PTPRD: variants seen among roughly 807,000 people sequenced by gnomAD.
PTPRD encodes protein tyrosine phosphatase receptor type D.
In PTPRD, 34 loss-of-function variants were observed where a neutral mutation model predicts 214.5. The ratio of observed to expected loss-of-function variants is 0.16; its 90% confidence interval spans 0.12 to 0.21. PTPRD has a LOEUF of 0.21. PTPRD is among the 10% of genes least tolerant of loss of function. The pLI is 1.00. For missense variants in PTPRD, 2,545 were observed against 2,398.7 expected (o/e 1.06, Z -1.27); for synonymous variants, 1,128 against 845.7 (o/e 1.33, Z -5.79).
intron 7 of PTPRD, among the ~76,000 whole-genome samples, chr9:9,576,198 T>C (rs1296692543): frequency 6.6e-6 from 1 of 152,224 alleles, no homozygotes; most frequent in African/African-American, 2.4e-5. Context: ...AAATAGTTTA[T>C]ATAACTTCAT....
At chr9:9,286,770 C>G (rs756639293) in intron 9 of PTPRD, among the ~76,000 whole-genome samples, 42 of 149,236 alleles carry the variant, frequency 2.8e-4, no homozygotes, top group Non-Finnish European at 5.6e-4. Context: ...GCCAGTGTCT[C>G]ATTTTTCTTT....
intron 2 of PTPRD, among the ~76,000 whole-genome samples, chr9:10,604,988 T>A (rs888979437): frequency 1.7e-4 from 26 of 151,832 alleles, no homozygotes; most frequent in African/African-American, 6.3e-4. Context: ...AGGAAACTCT[T>A]CAAACTTAAG....
At chr9:8,445,135 T>G (rs1006872489) in intron 34 of PTPRD, among the ~76,000 whole-genome samples, 6 of 152,320 alleles carry the variant, frequency 3.9e-5, no homozygotes, top group African/African-American at 1.4e-4. Flanking sequence ...AGTCAAATCT[T>G]AGCTAAATGA....
intron 11 of PTPRD, among the ~76,000 whole-genome samples, chr9:8,773,970 T>C (rs1460644152): frequency 1.3e-5 from 2 of 152,186 alleles, no homozygotes; most frequent in Admixed American, 1.3e-4. Flanking sequence ...CCCTCTCTCC[T>C]GACTCCAACC....
chr9:8,863,241 G>A (rs78370444), intron 11 of PTPRD, among the ~76,000 whole-genome samples: 4,889 of 152,056 alleles, frequency 0.032, 189 homozygotes, highest in East Asian at 0.09. Flanking sequence ...TACAGCATGC[G>A]ACTGTGACAA....
At chr9:8,873,000 T>C (rs1328060722) in intron 11 of PTPRD, among the ~76,000 whole-genome samples, 1 of 152,250 alleles carries the variant, frequency 6.6e-6, no homozygotes, top group Non-Finnish European at 1.5e-5. Flanking sequence ...AATTATTTTA[T>C]GGAAACCACT....
At chr9:9,793,277 CT>C (rs1406054188) in intron 5 of PTPRD, among the ~76,000 whole-genome samples, 1 of 152,082 alleles carries the variant, frequency 6.6e-6, no homozygotes, top group African/African-American at 2.4e-5. Flanking sequence ...ATGGATGTAT[CT>C]ATAAAACGTG....
At chr9:8,880,478 C>T (rs1242332875) in intron 11 of PTPRD, among the ~76,000 whole-genome samples, 1 of 152,096 alleles carries the variant, frequency 6.6e-6, no homozygotes, top group African/African-American at 2.4e-5. Context: ...ATTTTAACGC[C>T]ATTATTTTTA....
intron 9 of PTPRD, among the ~76,000 whole-genome samples, chr9:9,230,799 T>A (rs1162782600): frequency 2.0e-5 from 3 of 152,260 alleles, no homozygotes; most frequent in Admixed American, 1.3e-4. Context: ...TAAATCTGTA[T>A]CTTTTCTTTT....
At chr9:8,612,220 A>G (rs1289427478) in intron 14 of PTPRD, among the ~76,000 whole-genome samples, 1 of 152,256 alleles carries the variant, frequency 6.6e-6, no homozygotes, top group East Asian at 1.9e-4. Flanking sequence ...TTTTATACCT[A>G]AATATCCTAC....
intron 9 of PTPRD, among the ~76,000 whole-genome samples, chr9:9,386,105 C>G (rs2063785091): frequency 6.6e-6 from 1 of 152,134 alleles, no homozygotes; most frequent in Non-Finnish European, 1.5e-5. Flanking sequence ...TTACCCCAAG[C>G]TTAGGTGAAA....
intron 9 of PTPRD, among the ~76,000 whole-genome samples, chr9:9,218,132 G>T (rs947849501): frequency 5.3e-5 from 8 of 152,074 alleles, no homozygotes; most frequent in Non-Finnish European, 1.0e-4. Context: ...ACTGAATAAA[G>T]AAAATAAAGC....
At chr9:9,599,584 ATTTATC>A (rs1426154665) in intron 7 of PTPRD, among the ~76,000 whole-genome samples, 7 of 151,888 alleles carry the variant, frequency 4.6e-5, no homozygotes, top group Non-Finnish European at 8.8e-5. Context: ...GTTTTCATAT[ATTTATC>A]TTTATCTTTA....
intron 20 of PTPRD, among the ~76,000 whole-genome samples, chr9:8,520,929 C>T (rs2138809600): frequency 6.6e-6 from 1 of 151,762 alleles, no homozygotes; most frequent in East Asian, 2.0e-4. Context: ...TCTTGGGGTT[C>T]TTATCAAGGT....
At chr9:9,699,264 G>T (rs1331466307) in intron 7 of PTPRD, among the ~76,000 whole-genome samples, 1 of 151,828 alleles carries the variant, frequency 6.6e-6, no homozygotes, top group Non-Finnish European at 1.5e-5. Flanking sequence ...GTGAGACCTA[G>T]GTGTTTTTTC....
At chr9:9,406,240 C>G (rs929137168) in intron 8 of PTPRD, among the ~76,000 whole-genome samples, 2 of 151,860 alleles carry the variant, frequency 1.3e-5, no homozygotes, top group South Asian at 4.1e-4. Context: ...ATTGTTTAGG[C>G]CATTACTTTG....
chr9:9,547,637 T>C (rs995662621), intron 8 of PTPRD, among the ~76,000 whole-genome samples: 2 of 152,124 alleles, frequency 1.3e-5, no homozygotes, highest in Admixed American at 6.6e-5. Context: ...ATAGGATATC[T>C]GTATGACAAG....
intron 14 of PTPRD, among the ~76,000 whole-genome samples, chr9:8,584,317 C>A (rs942664980): frequency 6.6e-6 from 1 of 152,096 alleles, no homozygotes; most frequent in African/African-American, 2.4e-5. Flanking sequence ...AATACGATGT[C>A]TTTTCTGGTC....
chr9:10,303,505 T>C (rs1158978999), intron 3 of PTPRD, among the ~76,000 whole-genome samples: 4 of 151,702 alleles, frequency 2.6e-5, no homozygotes, highest in South Asian at 2.1e-4. Context: ...ACAAAATAGA[T>C]AGACCACTAG....
Sources: gnomAD v4.1 joint callset for allele counts (sites outside exome capture counted in the v4.1 genomes callset) on GRCh38, gnomAD v4.1.1 for gene constraint, MANE v1.5 for transcripts, NCBI Gene and HGNC (gene_info 2026-07-23, HGNC 2026-07-21) for gene names.